PXDNL: variants seen among roughly 807,000 people sequenced by gnomAD.
The protein encoded by PXDNL is probable oxidoreductase PXDNL.
Under a neutral mutation model 150.8 loss-of-function variants are expected in PXDNL, and 145 were observed. The observed-to-expected ratio is 0.96, with a 90% CI of 0.84 to 1.10. The LOEUF is 1.10. PXDNL is among the 50% of genes least tolerant of loss of function. The probability of loss-of-function intolerance (pLI) is 0.00; values close to 1 mark genes in which losing one functional copy is unlikely to be tolerated. For missense variants in PXDNL, 2,087 were observed against 1,873.9 expected (o/e 1.11, Z -2.10); for synonymous variants, 757 against 725.7 (o/e 1.04, Z -0.69).
intron 4 of PXDNL, among the ~76,000 whole-genome samples, chr8:51,507,757 G>A (rs757608989): frequency 3.3e-5 from 5 of 152,132 alleles, no homozygotes; most frequent in Non-Finnish European, 5.9e-5. Context: ...TTTAGTTGTC[G>A]CAGCTGGAAG....
chr8:51,403,211 T>C (rs1474197899), intron 17 of PXDNL, among the ~76,000 whole-genome samples: 3 of 152,072 alleles, frequency 2.0e-5, no homozygotes. Flanking sequence ...AAATAAGCTC[T>C]TTAAAAAATA....
At chr8:51,718,773 C>T (rs1430113526) in intron 1 of PXDNL, among the ~76,000 whole-genome samples, 1 of 152,214 alleles carries the variant, frequency 6.6e-6, no homozygotes, top group African/African-American at 2.4e-5. Context: ...CTCTTGGCCC[C>T]TCTGTGGTGT....
chr8:51,795,661 A>G (rs2037552736), intron 1 of PXDNL, among the ~76,000 whole-genome samples: 1 of 152,180 alleles, frequency 6.6e-6, no homozygotes, highest in Admixed American at 6.5e-5. Flanking sequence ...TAAGAGGCAA[A>G]TTTATAGCAC....
At position 51,339,719 on chromosome 8, in the gene PXDNL, T is replaced by C. The variant is rs1257219504; in HGVS notation, c.4051A>G (p.Arg1351Gly). The C allele has an allele frequency of 1.2e-6, 2 of 1,613,532 alleles. No homozygotes were observed. Among genetic ancestry groups the C allele is most frequent in the African/African-American group, 2.7e-5 (2 of 75,058 alleles). Reference protein sequence around the residue: ...QDKIYVGEDARNVTVLAKTKF... With the variant: ...QDKIYVGEDAGNVTVLAKTKF... The stretch of plus-strand genomic sequence containing the variant: ...GTTTTTGCCAGAACTGTCACATTTC[T>C]AGCATCTTCACCCACATATATTTTA... Residue 1351 changes from arginine to glycine, a missense_variant, in exon 21 of 23, where the codon AGA (arginine) becomes GGA (glycine). Coordinates refer to ENST00000356297, the MANE Select transcript of PXDNL (RefSeq NM_144651.5).
chr8:51,767,572 C>CA (rs1331339243), intron 1 of PXDNL, among the ~76,000 whole-genome samples: 2 of 152,184 alleles, frequency 1.3e-5, no homozygotes. Flanking sequence ...GGCATGCCTT[C>CA]AACACTCTGA....
At chr8:51,696,840 G>GTTCCACACACATCCACACACAA (rs1816154161) in intron 1 of PXDNL, among the ~76,000 whole-genome samples, 2 of 626 alleles carry the variant, frequency 3.2e-3, no homozygotes, top group Admixed American at 0.016. Context: ...CACACACACA[G>GTTCCACACACATCCACACACAA]GTCCTGACAC....
chr8:51,731,581 G>T (rs1052910962), intron 1 of PXDNL, among the ~76,000 whole-genome samples: 2 of 152,208 alleles, frequency 1.3e-5, no homozygotes, highest in Non-Finnish European at 2.9e-5. Context: ...GACTCTGTGT[G>T]GGGGTTCCCA....
chr8:51,451,894 A>G (rs1809816225), intron 10 of PXDNL, among the ~76,000 whole-genome samples: 2 of 152,206 alleles, frequency 1.3e-5, no homozygotes, highest in African/African-American at 4.8e-5. Context: ...AAATCTGGGC[A>G]CACAGATCCA....
chr8:51,378,334 T>G (rs1807412282), intron 17 of PXDNL, among the ~76,000 whole-genome samples: 1 of 152,212 alleles, frequency 6.6e-6, no homozygotes, highest in African/African-American at 2.4e-5. Flanking sequence ...CAGCACCCTG[T>G]GTCTAGCTCA....
intron 19 of PXDNL, among the ~76,000 whole-genome samples, chr8:51,354,777 G>T (rs1415304371): frequency 6.6e-6 from 1 of 152,038 alleles, no homozygotes; most frequent in African/African-American, 2.4e-5. Context: ...AGAATAGATT[G>T]TAAATAAATG....
intron 2 of PXDNL, among the ~76,000 whole-genome samples, chr8:51,651,689 T>A (rs1189194481): frequency 1.3e-5 from 2 of 152,212 alleles, no homozygotes; most frequent in African/African-American, 4.8e-5. Context: ...CTTTTGTCCT[T>A]GGCATTTATT....
intron 3 of PXDNL, among the ~76,000 whole-genome samples, chr8:51,579,810 A>T (rs894521649): frequency 6.6e-6 from 1 of 152,016 alleles, no homozygotes; most frequent in Admixed American, 6.6e-5. Flanking sequence ...TAAACTATTG[A>T]TATTACGCAA....
chr8:51,465,357 A>G (rs1030713508), intron 8 of PXDNL, among the ~76,000 whole-genome samples: 6 of 152,050 alleles, frequency 3.9e-5, no homozygotes, highest in African/African-American at 1.4e-4. Flanking sequence ...ACATTCCTTC[A>G]TGATAAAAAA....
In PXDNL at chr8:51,396,571, A is replaced by G. The variant is rs542520811; in HGVS notation, c.3557+11496T>C. Among the ~76,000 whole-genome samples, 53 of 152,300 alleles carry G rather than the reference A, an allele frequency of 3.5e-4. 1 individual carries two copies. The highest frequency in any genetic ancestry group is 5.6e-4 in the Non-Finnish European group (38 of 68,032). ...CGGGAGTTCCAGACCAGCCTGACCA[A>G]CATGGAGAAACTCCATCTCTACTAA... On this transcript the variant is annotated intron_variant, in intron 17 of 22. Coordinates refer to ENST00000356297, the MANE Select transcript of PXDNL (RefSeq NM_144651.5).
At chr8:51,440,181 G>GA (rs1809508098) in intron 12 of PXDNL, among the ~76,000 whole-genome samples, 1 of 152,196 alleles carries the variant, frequency 6.6e-6, no homozygotes, top group African/African-American at 2.4e-5. Flanking sequence ...CTCAGGAATG[G>GA]AAAACCAAAT....
chr8:51,622,010 C>CT lies in PXDNL; in HGVS notation c.237-29313dup, dbSNP rs1313138795. ...GTTTACTAATCAGTTGACTGATTAA[C>CT]TGGGTGGTTCTGGTTTAATCTCAGG... On this transcript the variant is annotated intron_variant, in intron 2 of 22. Coordinates refer to ENST00000356297, the MANE Select transcript of PXDNL (RefSeq NM_144651.5). Among the ~76,000 whole-genome samples, 6 of 149,794 alleles carry CT rather than the reference C, an allele frequency of 4.0e-5. No homozygotes were observed. The East Asian group carries it at 1.2e-3, about 30-fold the overall frequency.
chr8:51,533,519 C>T (rs1488857003), intron 4 of PXDNL, among the ~76,000 whole-genome samples: 3 of 138,828 alleles, frequency 2.2e-5, no homozygotes, highest in African/African-American at 9.1e-5. Flanking sequence ...CTCCCTCTCC[C>T]TCCACGGTCT....
chr8:51,638,356 A>G (rs1814654749), intron 2 of PXDNL, among the ~76,000 whole-genome samples: 1 of 152,190 alleles, frequency 6.6e-6, no homozygotes, highest in Non-Finnish European at 1.5e-5. Context: ...AACAATATTA[A>G]CCTTCAATGT....
chr8:51,621,080 T>G (rs1814242332), intron 2 of PXDNL, among the ~76,000 whole-genome samples: 1 of 152,206 alleles, frequency 6.6e-6, no homozygotes, highest in South Asian at 2.1e-4. Context: ...CTACTTTCTA[T>G]CTTGCTAATT....
Sources: allele counts gnomAD v4.1 joint callset (sites outside exome capture counted in the v4.1 genomes callset), GRCh38; gene constraint gnomAD v4.1.1; transcripts MANE v1.5; gene names NCBI Gene and HGNC (gene_info 2026-07-23, HGNC 2026-07-21).